DLG3: variants seen among roughly 807,000 people sequenced by gnomAD.
DLG3 encodes disks large homolog 3.
Under a neutral mutation model 64.1 loss-of-function variants are expected in DLG3, and 1 was observed. The ratio of observed to expected loss-of-function variants is 0.02; its 90% confidence interval spans 0.01 to 0.07. The LOEUF is 0.07. Among genes scored for constraint, DLG3 ranks in the 10% least tolerant of loss-of-function variants. DLG3 has a pLI of 1.00. For missense variants in DLG3, 429 were observed against 669.5 expected (o/e 0.64, Z 3.96); for synonymous variants, 245 against 259.8 (o/e 0.94, Z 0.55).
At chrX:70,481,519 G>A (rs1055032121) in intron 10 of DLG3, among the ~76,000 whole-genome samples, 3 of 112,315 alleles carry the variant, frequency 2.7e-5, no homozygotes, top group East Asian at 2.8e-4. Context: ...AAGATAGAGC[G>A]TGGGAGCCTT....
Position 70,493,621 on chromosome X carries a change from T to C in DLG3, c.1773+1025T>C, listed in dbSNP as rs769100495. 7 of 523,688 alleles carry C rather than the reference T, an allele frequency of 1.3e-5. No homozygotes were observed. The South Asian group carries it at 1.6e-4, about 12-fold the overall frequency. 43.2% of individuals were successfully genotyped at this position (523,688 alleles called of 1,213,427 possible). On this transcript the variant is annotated intron_variant, in intron 12 of 18. Transcript: ENST00000374360. ...CGTGTGCACCTGCTTATCTACAGAG[T>C]CAGGGCAGAAACTGGTCTGCCTAAG...
At chrX:70,454,083 A>G (rs781527654) in intron 8 of DLG3, 131 bp from the exon 9 acceptor site, 32 of 557,004 alleles carry the variant, frequency 5.7e-5, no homozygotes, top group Non-Finnish European at 9.4e-5. Context: ...TTTTAGGGGC[A>G]AGGTTGGAAT....
chrX:70,478,449 G>A (rs1368477119), intron 9 of DLG3, among the ~76,000 whole-genome samples: 1 of 111,517 alleles, frequency 9.0e-6, no homozygotes, highest in Non-Finnish European at 1.9e-5. Flanking sequence ...TTGGAGGTGA[G>A]AGGTGTCAGC....
chrX:70,486,650 CTTTTTTTTT>C (rs371561978), intron 10 of DLG3, among the ~76,000 whole-genome samples: 1 of 71,631 alleles, frequency 1.4e-5, no homozygotes, highest in East Asian at 3.8e-4. Context: ...ATACCTTTTG[CTTTTTTTTT>C]TTTTTTTTTT....
At chrX:70,476,122 C>T (rs982513521) in intron 9 of DLG3, among the ~76,000 whole-genome samples, 8 of 111,697 alleles carry the variant, frequency 7.2e-5, no homozygotes, top group Non-Finnish European at 1.9e-5. Flanking sequence ...AACCCTTCTT[C>T]GGTACTGACT....
intron 10 of DLG3, among the ~76,000 whole-genome samples, chrX:70,485,605 A>G (rs763455864): frequency 1.8e-5 from 2 of 112,041 alleles, no homozygotes; most frequent in Admixed American, 1.9e-4. Flanking sequence ...CTATAGCGCT[A>G]AAATGCTCAT....
Position 70,452,567 on chromosome X carries a change from G to A in DLG3, c.1145+541G>A, listed in dbSNP as rs888097476. The stretch of plus-strand genomic sequence containing the variant: ...CAGGGTGGGGCCCGAGAGGCTGGCG[G>A]GCAGGCAGCAGTGGAGCCGGAAGGG... On this transcript the variant is annotated intron_variant, in intron 7 of 18. Transcript: ENST00000374360. The A allele has an allele frequency of 1.1e-4, 127 of 1,166,209 alleles. No individual in the cohort carries two copies. In the African/African-American group the frequency reaches 2.0e-3, roughly 18 times the overall value.
chrX:70,502,197 T>C lies in DLG3; in HGVS notation c.2382T>C (p.Tyr794=), dbSNP rs1225910566. ...AGGGTGACTCACTGGAAGAGATTTA[T>C]AACAAAATCAAACAAATCATTGAGG... ...IVQGDSLEEI[Y]NKIKQIIEDQ... is the part of the protein sequence containing the mutation. Residue 794 remains tyrosine (Y), a synonymous_variant, in exon 19 of 19, where the codon TAT becomes TAC. Transcript: ENST00000374360. The C allele has an allele frequency of 3.3e-6, 4 of 1,209,984 alleles. No individual in the cohort carries two copies. The highest frequency in any genetic ancestry group is 1.8e-5 in the South Asian group (1 of 56,796).
At chrX:70,478,568 G>T (rs1344556629) in intron 9 of DLG3, among the ~76,000 whole-genome samples, 1 of 111,724 alleles carries the variant, frequency 9.0e-6, no homozygotes, top group Non-Finnish European at 1.9e-5. Flanking sequence ...TCCTCATATG[G>T]TTGTTACGGT....
intron 9 of DLG3, among the ~76,000 whole-genome samples, chrX:70,466,632 G>T (rs1290981737): frequency 2.7e-5 from 3 of 109,813 alleles, no homozygotes; most frequent in Non-Finnish European, 3.8e-5. Context: ...TAGAGAGGGG[G>T]TTTCACCATG....
intron 10 of DLG3, among the ~76,000 whole-genome samples, chrX:70,490,012 G>A (rs761766291): frequency 1.8e-5 from 2 of 110,323 alleles, no homozygotes; most frequent in Admixed American, 9.6e-5. Flanking sequence ...ACAGGTGCCC[G>A]CTACCATGCC....
chrX:70,451,996 G>A lies in DLG3; in HGVS notation c.1115G>A (p.Arg372Lys), dbSNP rs777042818. 3.3e-6 allele frequency: 4 copies of A among 1,211,063 alleles called. No homozygotes were observed. The South Asian group carries it at 7.0e-5, about 21-fold the overall frequency. ...CCCACCCGCTACTCTCCTATTCCCA[G>A]GCACATGCTGGCTGAGGAGGACTTC... ...VPPTRYSPIP[R>K]HMLAEEDFTR... The change falls in exon 7 of 19, where the codon AGG becomes AAG. Residue 372 changes from arginine to lysine, a missense_variant. Around this residue, in one of 9 missense-constraint regions of DLG3, gnomAD observed 54 missense variants for 54.4 expected, o/e 0.99. Coordinates refer to ENST00000374360, the MANE Select transcript of DLG3 (RefSeq NM_021120.4).
chrX:70,504,777 T>G lies in DLG3; in HGVS notation c.*2508T>G, dbSNP rs750891812. On this transcript the variant is annotated 3_prime_UTR_variant, in exon 19 of 19. Coordinates refer to ENST00000374360, the MANE Select transcript of DLG3 (RefSeq NM_021120.4). ...GAGAAAGTGACCTGCCAGCTACCAG[T>G]GTTTCCGAAAATGAGGGTGGGATGG... 2 of 111,667 alleles carry G rather than the reference T, an allele frequency of 1.8e-5. No homozygotes were observed. The highest frequency in any genetic ancestry group is 3.8e-5 in the Non-Finnish European group (2 of 53,101). 9.2% of individuals were successfully genotyped at this position (111,667 alleles called of 1,213,427 possible).
rs903388617 is a variant in DLG3, at chrX:70,495,304, C to T, written c.1774-104C>T. 6.4e-6 allele frequency: 5 copies of T among 778,922 alleles called. No homozygotes were observed. In the South Asian group the frequency reaches 8.6e-5, roughly 13 times the overall value. The allele number at this position is 778,922 out of a possible 1,213,427, so 64.2% of individuals were successfully genotyped here. ...CCTTGTCTTTTTCTCTATTTTTTCTCTTCTCCCCAAATCTCTCCCTCTCTT... is the reference window on the plus strand; with the variant it reads ...CCTTGTCTTTTTCTCTATTTTTTCTTTTCTCCCCAAATCTCTCCCTCTCTT... On this transcript the variant is annotated intron_variant, in intron 12 of 18. Coordinates refer to ENST00000374360, the MANE Select transcript of DLG3 (RefSeq NM_021120.4).
chrX:70,495,388 C>T lies in DLG3; in HGVS notation c.1774-20C>T. On this transcript the variant is annotated intron_variant, in intron 12 of 18. Transcript: ENST00000374360. ...TTCTCCCCGTCGTCCTCTCTCCGCC[C>T]TTGCTGTCTGTGAAATCAGGACTTC... The T allele has an allele frequency of 1.7e-6, 2 of 1,209,771 alleles. No individual in the cohort carries two copies. Among genetic ancestry groups the T allele is most frequent in the East Asian group, 5.9e-5 (2 of 33,842 alleles).
chrX:70,499,149 C>T (rs1199349456), intron 14 of DLG3, 27 bp from the exon 15 acceptor site: 1 of 1,124,519 alleles, frequency 8.9e-7, no homozygotes, highest in Admixed American at 2.2e-5. Flanking sequence ...GGCCTCTGTT[C>T]ACTGTCTCGA....
intron 7 of DLG3, chrX:70,452,274 A>G: frequency 9.4e-7 from 1 of 1,063,680 alleles, no homozygotes; most frequent in African/African-American, 1.9e-5. Context: ...CCAAAAGTGC[A>G]GATAAAGAAA....
chrX:70,446,272 T>C (rs991391087), intron 1 of DLG3, among the ~76,000 whole-genome samples: 2 of 109,779 alleles, frequency 1.8e-5, no homozygotes, highest in Non-Finnish European at 3.8e-5. Flanking sequence ...TGTGAGTGTG[T>C]GTTTGTATGT....
intron 12 of DLG3, chrX:70,493,622 C>T: frequency 1.9e-6 from 1 of 524,958 alleles, no homozygotes; most frequent in South Asian, 2.7e-5. Context: ...TCTACAGAGT[C>T]AGGGCAGAAA....
Sources: gnomAD v4.1 joint callset for allele counts (sites outside exome capture counted in the v4.1 genomes callset) on GRCh38, gnomAD v4.1.1 for gene constraint, gnomAD v4.1.1 regional missense constraint, MANE v1.5 for transcripts, NCBI Gene and HGNC (gene_info 2026-07-23, HGNC 2026-07-21) for gene names.